CAMSAP2: variants seen among roughly 807,000 people sequenced by gnomAD.
CAMSAP2 encodes the protein calmodulin-regulated spectrin-associated protein 2.
Under a neutral mutation model 146.1 loss-of-function variants are expected in CAMSAP2, and 26 were observed. The observed-to-expected ratio is 0.18, with a 90% CI of 0.13 to 0.25. The LOEUF is 0.25. CAMSAP2 is among the 10% of genes least tolerant of loss of function. CAMSAP2 has a pLI of 1.00. For missense variants in CAMSAP2, 1,381 were observed against 1,759.3 expected, an observed-to-expected ratio of 0.78 and a Z score of 3.85; for synonymous variants, 499 against 596.6, an observed-to-expected ratio of 0.84 and a Z score of 2.38.
chr1:200,828,500 A>C (rs1007682670), intron 4 of CAMSAP2: 15 of 1,388,224 alleles, frequency 1.1e-5, no homozygotes, highest in Middle Eastern at 1.8e-4. Context: ...ATAATTTGTT[A>C]ATTGAAGATA....
rs1468775871 is a variant in CAMSAP2, at chr1:200,816,761, T to C, written c.645+1117T>C. Among the ~76,000 whole-genome samples the C allele has an allele frequency of 1.5e-3, 187 of 122,944 alleles. 52 individuals carry two copies. The highest frequency in any genetic ancestry group is 5.2e-3 in the East Asian group (22 of 4,224). The allele number at this position is 122,944 out of a possible 152,430, so 80.7% of individuals were successfully genotyped here. A position where few individuals can be genotyped will look rare whatever the true frequency, so the allele number is the denominator to read the frequency against. ...ACACACACACGCGTGTATATATGTG[T>C]GTACACACACACGCGTGTATATATG... On this transcript the variant is annotated intron_variant, in intron 4 of 16. Transcript: ENST00000358823.
intron 2 of CAMSAP2, among the ~76,000 whole-genome samples, chr1:200,780,743 A>G (rs992021126): frequency 3.9e-5 from 6 of 152,232 alleles, no homozygotes; most frequent in African/African-American, 2.4e-5. Context: ...CTGTTTGAGT[A>G]TCTGCCATAG....
chr1:200,843,557 G>T (rs978851365), intron 7 of CAMSAP2, among the ~76,000 whole-genome samples: 3 of 152,060 alleles, frequency 2.0e-5, no homozygotes, highest in African/African-American at 7.2e-5. Context: ...TATTAACAGG[G>T]TTTTCACTAC....
chr1:200,848,881 T>C lies in CAMSAP2; in HGVS notation c.2112T>C (p.Ser704=), dbSNP rs1039856822. 1.2e-6 allele frequency: 2 copies of C among 1,614,122 alleles called. No individual in the cohort carries two copies. The highest frequency in any genetic ancestry group is 2.2e-5 in the East Asian group (1 of 44,886). ...AACTGAATCATACCGATGGAAAAAG[T>C]AGTGGAAGCAGTTCTCAAAAAACTA... ...FRKLNHTDGK[S]SGSSSQKTTP... Residue 704 remains serine, a synonymous_variant, in exon 11 of 17, where the codon AGT becomes AGC. Coordinates refer to ENST00000358823, the MANE Select transcript of CAMSAP2 (RefSeq NM_203459.4).
intron 4 of CAMSAP2, 77 bp downstream of exon 4, chr1:200,815,721 G>A: frequency 1.5e-6 from 1 of 688,982 alleles, no homozygotes; most frequent in South Asian, 3.7e-5. Flanking sequence ...TTTGGGAAAT[G>A]TTAATTGTGT....
At chr1:200,801,385 T>C (rs60571493) in intron 2 of CAMSAP2, among the ~76,000 whole-genome samples, 425 of 152,194 alleles carry the variant, frequency 2.8e-3, no homozygotes, top group African/African-American at 9.4e-3. Flanking sequence ...CCTGACCTTT[T>C]GGGTGAATCT....
chr1:200,776,128 T>C (rs1038594039), intron 2 of CAMSAP2, among the ~76,000 whole-genome samples: 3 of 152,172 alleles, frequency 2.0e-5, no homozygotes, highest in African/African-American at 7.2e-5. Flanking sequence ...TTTTAAAAAT[T>C]TGTTTTTGGT....
rs766404871 is a variant in CAMSAP2, at chr1:200,849,299, C to T, written c.2530C>T (p.Pro844Ser). 6.2e-7 allele frequency: 1 copy of T among 1,614,004 alleles called. No homozygotes were observed. The highest frequency in any genetic ancestry group is 1.1e-5 in the South Asian group (1 of 91,080). ...LADIKESMEN[P>S]QAKWLKSPTT... ...AGATATAAAAGAGAGCATGGAGAAT[C>T]CTCAAGCCAAATGGCTAAAGTCTCC... The change falls in exon 11 of 17, where the codon CCT becomes TCT. Residue 844 changes from proline (P) to serine (S), a missense_variant. Pro to Ser is a moderately conservative substitution (Grantham distance 74, BLOSUM62 -1). Transcript: ENST00000358823. The surrounding 1 kb of genome is among the most constrained non-coding windows in gnomAD (Gnocchi z 6.3).
Position 200,850,223 on chromosome 1 carries a change from T to A in CAMSAP2, c.3454T>A (p.Phe1152Ile), listed in dbSNP as rs756688409. 7.0e-6 allele frequency: 11 copies of A among 1,581,916 alleles called. No individual in the cohort carries two copies. The South Asian group carries it at 1.3e-4, about 18-fold the overall frequency. Reference protein sequence around the residue: ...FDDDQKVCCGFFFKDDQKAEN... With the variant: ...FDDDQKVCCGIFFKDDQKAEN... ...TGATGACCAGAAAGTATGCTGTGGA[T>A]TCTTTTTTAAGGTGTAGTATTAATC... Residue 1152 changes from phenylalanine to isoleucine, a missense_variant, in exon 11 of 17, where the codon TTC becomes ATC. By Grantham distance (21) the Phe-to-Ile change is conservative. Around this residue, in one of 4 missense-constraint regions of CAMSAP2, gnomAD observed 560 missense variants for 715.9 expected, o/e 0.78. Coordinates refer to ENST00000358823, the MANE Select transcript of CAMSAP2 (RefSeq NM_203459.4).
chr1:200,860,204 A>AT lies in CAMSAP2; in HGVS notation c.*2152dup, dbSNP rs1320178990. 13 of 152,760 alleles carry AT rather than the reference A, an allele frequency of 8.5e-5. No individual in the cohort carries two copies. In the East Asian group the frequency reaches 1.3e-3, roughly 16 times the overall value. 9.5% of individuals were successfully genotyped at this position (152,760 alleles called of 1,614,324 possible). On this transcript the variant is annotated 3_prime_UTR_variant, in exon 17 of 17. Transcript: ENST00000358823. The stretch of plus-strand genomic sequence containing the variant: ...TGGATATATTTCTTTAAGTCTGCAG[A>AT]TTTTTTTATTATGGTGCAGCTTTTT...
At chr1:200,772,058 T>C (rs945808567) in intron 2 of CAMSAP2, among the ~76,000 whole-genome samples, 5 of 152,196 alleles carry the variant, frequency 3.3e-5, no homozygotes, top group Non-Finnish European at 7.3e-5. Flanking sequence ...AGTATAGTTT[T>C]AGAGCTGAAA....
At chr1:200,813,764 G>A (rs556788525) in intron 3 of CAMSAP2, among the ~76,000 whole-genome samples, 20 of 152,168 alleles carry the variant, frequency 1.3e-4, no homozygotes, top group African/African-American at 3.6e-4. Flanking sequence ...GATCAATTAC[G>A]ACTACCTGAC....
intron 1 of CAMSAP2, among the ~76,000 whole-genome samples, chr1:200,741,771 G>A (rs1346504606): frequency 6.6e-6 from 1 of 152,200 alleles, no homozygotes; most frequent in Non-Finnish European, 1.5e-5. Flanking sequence ...GAAATGAAGG[G>A]AATCTAGTAT....
chr1:200,827,683 T>TTTTTCTAAATAATATTAC (rs1186658787), intron 4 of CAMSAP2, among the ~76,000 whole-genome samples: 1 of 152,136 alleles, frequency 6.6e-6, no homozygotes, highest in Non-Finnish European at 1.5e-5. Context: ...ATTTATATTA[T>TTTTTCTAAATAATATTAC]TTTTCTGTTT....
rs1204730822 is a variant in CAMSAP2 at position 200,814,609 on chromosome 1, CAAA to C, written c.562-929_562-927del. On this transcript the variant is annotated intron_variant, in intron 3 of 16. Transcript: ENST00000358823. ...TGGGCGACAGTGTGAGATTGCATCC[CAAA>C]AAAAAAAAAAAAAAAAAAAAAACAA... Among the ~76,000 whole-genome samples the C allele has an allele frequency of 9.4e-3, 227 of 24,086 alleles. 1 individual carries two copies. The highest frequency in any genetic ancestry group is 0.021 in the African/African-American group (118 of 5,720). The allele number at this position is 24,086 out of a possible 152,430, so 15.8% of individuals were successfully genotyped here.
At chr1:200,833,303 G>A (rs143916308) in intron 6 of CAMSAP2, among the ~76,000 whole-genome samples, 120 of 152,254 alleles carry the variant, frequency 7.9e-4, no homozygotes, top group African/African-American at 2.6e-3. Context: ...ACTCGTGCCT[G>A]TAATCCCAGC....
intron 1 of CAMSAP2, among the ~76,000 whole-genome samples, chr1:200,753,250 A>G (rs1409992973): frequency 1.4e-5 from 2 of 143,954 alleles, no homozygotes; most frequent in African/African-American, 2.6e-5. Context: ...GTGAGCTGGG[A>G]TTGTGCCACT....
intron 2 of CAMSAP2, among the ~76,000 whole-genome samples, chr1:200,801,131 G>A (rs1666025159): frequency 6.6e-6 from 1 of 152,228 alleles, no homozygotes. Context: ...GGGCATGGTG[G>A]TGTGTGCCTA....
intron 2 of CAMSAP2, among the ~76,000 whole-genome samples, chr1:200,804,994 T>TA (rs898336324): frequency 2.6e-5 from 4 of 152,196 alleles, no homozygotes; most frequent in African/African-American, 9.7e-5. Context: ...TCTGCACATA[T>TA]AAAACATAAA....
Sources: gnomAD v4.1 joint callset for allele counts (sites outside exome capture counted in the v4.1 genomes callset) on GRCh38, gnomAD v4.1.1 for gene constraint, gnomAD v4.1.1 regional missense constraint, Gnocchi (gnomAD v3.1) non-coding constraint, MANE v1.5 for transcripts, NCBI Gene and HGNC (gene_info 2026-07-23, HGNC 2026-07-21) for gene names.